NLGN4X: variants seen among roughly 807,000 people sequenced by gnomAD.
The protein encoded by NLGN4X is neuroligin 4 X-linked, also known as neuroligin-4, X-linked.
NLGN4X carries 3 observed loss-of-function variants against 40.3 expected under a neutral mutation model. The observed-to-expected ratio is 0.07, with a 90% confidence interval of 0.03 to 0.19. The LOEUF (loss-of-function observed/expected upper bound fraction) is 0.19. Among genes scored for constraint, NLGN4X ranks in the 10% least tolerant of loss-of-function variants. The pLI is 1.00. For synonymous variants in NLGN4X, 270 were observed against 306.8 expected, an observed-to-expected ratio of 0.88 and a Z score of 1.25; for missense variants, 382 against 708.3, an observed-to-expected ratio of 0.54 and a Z score of 5.23.
At chrX:5,968,455 C>CTGTG (rs1387073890) in intron 3 of NLGN4X, among the ~76,000 whole-genome samples, 15 of 27,641 alleles carry the variant, frequency 5.4e-4, no homozygotes, top group African/African-American at 1.5e-3. Flanking sequence ...CTCTCTCTCT[C>CTGTG]TCTGTGTGTG....
chrX:6,032,618 TG>T (rs2036897231), intron 2 of NLGN4X: 1 of 672,217 alleles, frequency 1.5e-6, no homozygotes, highest in Non-Finnish European at 2.1e-6. Flanking sequence ...CAGATTGAAA[TG>T]AAAAAAAAAA....
chrX:5,926,955 T>TCTATCTATCTATCTAC (rs2033353477), intron 3 of NLGN4X, among the ~76,000 whole-genome samples: 1 of 108,629 alleles, frequency 9.2e-6, no homozygotes, highest in Non-Finnish European at 1.9e-5. Context: ...TATCTATCTA[T>TCTATCTATCTATCTAC]CTATCTATCT....
intron 1 of NLGN4X, among the ~76,000 whole-genome samples, chrX:6,176,481 G>A (rs978966278): frequency 8.9e-6 from 1 of 112,508 alleles, no homozygotes; most frequent in Non-Finnish European, 1.9e-5. Flanking sequence ...AGATTCAAAT[G>A]AAAGAGGCAG....
At chrX:6,145,501 A>AT (rs2040027023) in intron 2 of NLGN4X, among the ~76,000 whole-genome samples, 1 of 111,327 alleles carries the variant, frequency 9.0e-6, no homozygotes, top group African/African-American at 3.3e-5. Flanking sequence ...ATAAATTTCC[A>AT]TTTTTTCCCT....
intron 3 of NLGN4X, among the ~76,000 whole-genome samples, chrX:5,943,945 CTGT>C (rs1186317850): frequency 3.6e-5 from 4 of 112,211 alleles, no homozygotes; most frequent in Non-Finnish European, 7.5e-5. Context: ...TTCTGTATCT[CTGT>C]ACATGATGGA....
chrX:6,030,598 G>T (rs981416665), intron 2 of NLGN4X, among the ~76,000 whole-genome samples: 2 of 109,931 alleles, frequency 1.8e-5, no homozygotes, highest in Non-Finnish European at 3.8e-5. Context: ...GCTCCAATTT[G>T]AATGAATTAT....
chrX:6,126,661 T>C (rs1017646727), intron 2 of NLGN4X, among the ~76,000 whole-genome samples: 5 of 112,214 alleles, frequency 4.5e-5, no homozygotes, highest in African/African-American at 1.6e-4. Flanking sequence ...CAACAAGTAA[T>C]GAACTATGCC....
intron 3 of NLGN4X, among the ~76,000 whole-genome samples, chrX:6,018,156 A>T (rs1051623798): frequency 4.6e-5 from 5 of 108,217 alleles, no homozygotes; most frequent in African/African-American, 1.8e-4. Context: ...ATATGTATGT[A>T]TGTACACATA....
intron 1 of NLGN4X, among the ~76,000 whole-genome samples, chrX:6,222,926 A>G (rs942905093): frequency 8.9e-6 from 1 of 111,745 alleles, no homozygotes; most frequent in African/African-American, 3.2e-5. Context: ...TTCCACCATG[A>G]TTGTAAGTTT....
chrX:6,171,335 T>C (rs966885174), intron 1 of NLGN4X, among the ~76,000 whole-genome samples: 1 of 112,398 alleles, frequency 8.9e-6, no homozygotes, highest in African/African-American at 3.2e-5. Context: ...GTACTATTTC[T>C]ACATGGTCAA....
chrX:6,027,785 TTTTTA>T (rs1397461283), intron 3 of NLGN4X, among the ~76,000 whole-genome samples: 1 of 109,375 alleles, frequency 9.1e-6, no homozygotes, highest in African/African-American at 3.3e-5. Flanking sequence ...CTTATTTTGC[TTTTTA>T]TTTTAATTAA....
At position 6,151,188 on chromosome X, in the gene NLGN4X, G is replaced by A. The variant is rs1481379135; in HGVS notation, c.279C>T (p.Pro93=). The change falls in exon 2 of 6, where the codon CCC becomes CCT. Residue 93 remains proline, a synonymous_variant. Coordinates refer to ENST00000381095, the MANE Select transcript of NLGN4X (RefSeq NM_181332.3). ...TGERRFQPPE[P]PSSWTGIRNT... is the part of the protein sequence containing the mutation. ...TTCGGATGCCAGTCCAGGAGGACGG[G>A]GGTTCTGGGGGCTGAAACCGCCTCT... The A allele has an allele frequency of 8.3e-7, 1 of 1,209,767 alleles. No homozygotes were observed. The highest frequency in any genetic ancestry group is 1.8e-5 in the African/African-American group (1 of 57,053).
chrX:5,994,770 G>A (rs1243715240), intron 3 of NLGN4X, among the ~76,000 whole-genome samples: 1 of 112,065 alleles, frequency 8.9e-6, no homozygotes, highest in Non-Finnish European at 1.9e-5. Context: ...CCACAACTGT[G>A]ATGCAGAAGT....
intron 3 of NLGN4X, among the ~76,000 whole-genome samples, chrX:6,009,388 T>C (rs2036189464): frequency 8.9e-6 from 1 of 112,159 alleles, no homozygotes; most frequent in African/African-American, 3.2e-5. Context: ...ACCAGCAATG[T>C]GAAAGAGTTC....
intron 2 of NLGN4X, among the ~76,000 whole-genome samples, chrX:6,085,878 C>T (rs2038484795): frequency 8.9e-6 from 1 of 112,144 alleles, no homozygotes; most frequent in Admixed American, 9.4e-5. Context: ...TATACTGATT[C>T]TGTTCCCTTT....
At chrX:6,218,411 T>C (rs1925278332) in intron 1 of NLGN4X, among the ~76,000 whole-genome samples, 1 of 110,669 alleles carries the variant, frequency 9.0e-6, no homozygotes, top group African/African-American at 3.3e-5. Context: ...AAGAAAGATG[T>C]ATGAAGACTG....
chrX:6,216,949 C>G (rs993363564), intron 1 of NLGN4X, among the ~76,000 whole-genome samples: 2 of 111,625 alleles, frequency 1.8e-5, no homozygotes, highest in East Asian at 5.6e-4. Flanking sequence ...ACCACCACAC[C>G]TGACTTATTT....
intron 2 of NLGN4X, among the ~76,000 whole-genome samples, chrX:6,044,138 A>ATAAATAAATAAATAAAT (rs1569204678): frequency 4.7e-4 from 22 of 46,990 alleles, no homozygotes; most frequent in African/African-American, 6.4e-4. Flanking sequence ...AATAAATAAC[A>ATAAATAAATAAATAAAT]AAATCACACA....
At chrX:6,019,198 T>C (rs1377323047) in intron 3 of NLGN4X, among the ~76,000 whole-genome samples, 1 of 112,159 alleles carries the variant, frequency 8.9e-6, no homozygotes, top group Non-Finnish European at 1.9e-5. Flanking sequence ...AAGACAATTA[T>C]ACTAGAACAC....
Sources: gnomAD v4.1 joint callset for allele counts (sites outside exome capture counted in the v4.1 genomes callset) on GRCh38, gnomAD v4.1.1 for gene constraint, MANE v1.5 for transcripts, NCBI Gene and HGNC (gene_info 2026-07-23, HGNC 2026-07-21) for gene names.